MYO3B: variants seen among roughly 807,000 people sequenced by gnomAD.
The protein encoded by MYO3B is myosin IIIB.
In MYO3B, 156 loss-of-function variants were observed where a neutral mutation model predicts 174.6. That is an observed-to-expected ratio of 0.89 (90% CI 0.78 to 1.02). The LOEUF is 1.02. MYO3B is among the 50% of genes least tolerant of loss of function. MYO3B has a pLI of 0.00. For missense variants in MYO3B, 1,632 were observed against 1,639.4 expected (o/e 1.00, Z 0.08); for synonymous variants, 563 against 569.1 (o/e 0.99, Z 0.15).
Position 170,369,209 on chromosome 2 carries a change from T to G in MYO3B, c.816-13T>G. The G allele has an allele frequency of 6.2e-7, 1 of 1,609,584 alleles. No individual in the cohort carries two copies. The highest frequency in any genetic ancestry group is 2.2e-5 in the East Asian group (1 of 44,810). ...GATTGTACTTTGGATTGTTTGTTGG[T>G]TTTTGCAAACAGGTGTCTTATTAAG... On this transcript the variant is annotated splice_polypyrimidine_tract_variant and intron_variant, in intron 8 of 34. Coordinates refer to ENST00000408978, the MANE Select transcript of MYO3B (RefSeq NM_138995.5).
chr2:170,602,340 G>A (rs1694565820), intron 32 of MYO3B: 1 of 655,960 alleles, frequency 1.5e-6, no homozygotes, highest in African/African-American at 1.8e-5. Context: ...CTGTGAGAGT[G>A]GGAGCCGGGC....
At chr2:170,287,788 A>T (rs542410552) in intron 7 of MYO3B, among the ~76,000 whole-genome samples, 2 of 152,030 alleles carry the variant, frequency 1.3e-5, no homozygotes, top group African/African-American at 4.8e-5. Context: ...ACATAAAAAA[A>T]AACTTTGCCC....
intron 8 of MYO3B, among the ~76,000 whole-genome samples, chr2:170,363,710 G>T (rs1199145975): frequency 2.6e-5 from 4 of 152,140 alleles, no homozygotes; most frequent in African/African-American, 9.7e-5. Context: ...ATAGTGGATT[G>T]ATTTCCTTCA....
chr2:170,321,617 A>G (rs995903786), intron 7 of MYO3B, among the ~76,000 whole-genome samples: 1 of 152,192 alleles, frequency 6.6e-6, no homozygotes, highest in African/African-American at 2.4e-5. Context: ...ATTATTCACT[A>G]GTCATTCACA....
At position 170,652,962 on chromosome 2, in the gene MYO3B, CTGT is replaced by C. The variant is rs1699103814; in HGVS notation, c.3888-16_3888-14del. 1.9e-6 allele frequency: 3 copies of C among 1,612,120 alleles called. No homozygotes were observed. The highest frequency in any genetic ancestry group is 2.5e-6 in the Non-Finnish European group (3 of 1,179,226). On this transcript the variant is annotated intron_variant, in intron 34 of 34. Coordinates refer to ENST00000408978, the MANE Select transcript of MYO3B (RefSeq NM_138995.5). ...TTTGTTTTATTTTTTGTTGAAAATCCTGTTGTTTTCTTTGTTGCAGCCAAATCA... is the reference window on the plus strand; with the variant it reads ...TTTGTTTTATTTTTTGTTGAAAATCCTGTTTTCTTTGTTGCAGCCAAATCA...
At chr2:170,528,036 A>C (rs1476447459) in intron 30 of MYO3B, among the ~76,000 whole-genome samples, 2 of 152,232 alleles carry the variant, frequency 1.3e-5, no homozygotes, top group African/African-American at 4.8e-5. Context: ...TTCTCTAGAA[A>C]TGCTTCCTAT....
intron 23 of MYO3B, among the ~76,000 whole-genome samples, chr2:170,446,191 A>G (rs977032695): frequency 5.3e-5 from 8 of 152,250 alleles, no homozygotes; most frequent in African/African-American, 1.9e-4. Flanking sequence ...AATAAATTTT[A>G]GCAAGTAGGC....
intron 3 of MYO3B, among the ~76,000 whole-genome samples, chr2:170,205,445 G>A (rs939018415): frequency 4.6e-5 from 7 of 152,168 alleles, no homozygotes; most frequent in African/African-American, 1.7e-4. Context: ...TGCAATGCAA[G>A]AAAGCCTGTG....
chr2:170,241,395 G>A (rs1420469919), intron 7 of MYO3B, among the ~76,000 whole-genome samples: 5 of 152,122 alleles, frequency 3.3e-5, no homozygotes, highest in African/African-American at 7.2e-5. Context: ...TTCCAAGTTC[G>A]AAACTACCAG....
At chr2:170,571,268 T>G (rs1692418842) in intron 32 of MYO3B, among the ~76,000 whole-genome samples, 1 of 152,188 alleles carries the variant, frequency 6.6e-6, no homozygotes, top group African/African-American at 2.4e-5. Context: ...GTGGGTAATA[T>G]TATTATGTTG....
intron 23 of MYO3B, among the ~76,000 whole-genome samples, chr2:170,460,249 G>A (rs1684190867): frequency 1.3e-5 from 2 of 152,070 alleles, no homozygotes; most frequent in Admixed American, 6.5e-5. Context: ...CAGCACTTTG[G>A]GAGGCCGAGG....
At position 170,195,316 on chromosome 2, in the gene MYO3B, A is replaced by T. The variant is rs1281651171; in HGVS notation, c.3-3892A>T. Among the ~76,000 whole-genome samples the T allele has an allele frequency of 3.3e-5, 5 of 152,010 alleles. No homozygotes were observed. In the East Asian group the frequency reaches 9.7e-4, roughly 29 times the overall value. On this transcript the variant is annotated intron_variant, in intron 1 of 34. Coordinates refer to ENST00000408978, the MANE Select transcript of MYO3B (RefSeq NM_138995.5). ...TGTACCCATATAAACCTCAAACCCC[A>T]GGCTCCACAGAAGATGAGAAGAACA...
At chr2:170,392,935 G>A (rs1323423246) in intron 16 of MYO3B, among the ~76,000 whole-genome samples, 1 of 151,038 alleles carries the variant, frequency 6.6e-6, no homozygotes, top group Non-Finnish European at 1.5e-5. Flanking sequence ...ATATGTAGAT[G>A]ACACCCAAGT....
At chr2:170,187,457 C>T (rs1220196938) in intron 1 of MYO3B, among the ~76,000 whole-genome samples, 1 of 152,148 alleles carries the variant, frequency 6.6e-6, no homozygotes, top group Non-Finnish European at 1.5e-5. Context: ...GTCTCAAACT[C>T]TTGACCTCAA....
chr2:170,249,801 G>A (rs1037806994), intron 7 of MYO3B, among the ~76,000 whole-genome samples: 2 of 152,216 alleles, frequency 1.3e-5, no homozygotes, highest in African/African-American at 4.8e-5. Flanking sequence ...TGCCTCATTA[G>A]TGGTTATATG....
intron 32 of MYO3B, among the ~76,000 whole-genome samples, chr2:170,572,626 G>T (rs1390611406): frequency 6.9e-6 from 1 of 145,432 alleles, no homozygotes; most frequent in African/African-American, 2.5e-5. Context: ...AAAAAAAAAG[G>T]TAAGGACCTC....
At chr2:170,429,905 T>TC (rs1246399350) in intron 22 of MYO3B, among the ~76,000 whole-genome samples, 1 of 151,950 alleles carries the variant, frequency 6.6e-6, no homozygotes, top group African/African-American at 2.4e-5. Context: ...CCTTTCCCCT[T>TC]CCCCCCAAGA....
rs779722853 is a variant in MYO3B, at chr2:170,231,456, G to C, written c.604-4535G>C. Among the ~76,000 whole-genome samples the C allele has an allele frequency of 4.6e-5, 7 of 152,336 alleles. No individual in the cohort carries two copies. In the South Asian group the frequency reaches 8.3e-4, roughly 18 times the overall value. On this transcript the variant is annotated intron_variant, in intron 6 of 34. Transcript: ENST00000408978. ...GCTAGGTAAAATAGCTATTGGCCTT[G>C]GGCACTAAAGCTGCCAGTGCATAGA...
chr2:170,328,426 T>C (rs530560970), intron 7 of MYO3B, among the ~76,000 whole-genome samples: 1 of 152,148 alleles, frequency 6.6e-6, no homozygotes, highest in Non-Finnish European at 1.5e-5. Flanking sequence ...TGGGACCATT[T>C]GCTGATTGCT....
Sources: allele counts gnomAD v4.1 joint callset (sites outside exome capture counted in the v4.1 genomes callset), GRCh38; gene constraint gnomAD v4.1.1; transcripts MANE v1.5; gene names NCBI Gene and HGNC (gene_info 2026-07-23, HGNC 2026-07-21).